The following PCDHA12 variants were observed in gnomAD, a reference collection of about 807,000 sequenced individuals.
PCDHA12 encodes the protein protocadherin alpha 12.
Under a neutral mutation model 60.0 loss-of-function variants are expected in PCDHA12, and 44 were observed. The observed-to-expected ratio is 0.73, with a 90% confidence interval of 0.58 to 0.94. The LOEUF is 0.94. Among genes scored for constraint, PCDHA12 ranks in the 40% least tolerant of loss-of-function variants. The pLI, the probability that PCDHA12 is intolerant of heterozygous loss-of-function variation, is 0.00. For synonymous variants in PCDHA12, 569 were observed against 553.0 expected (o/e 1.03, Z -0.40); for missense variants, 1,276 against 1,239.7 (o/e 1.03, Z -0.44).
At chr5:140,931,951 G>A (rs1366094994) in intron 1 of PCDHA12, among the ~76,000 whole-genome samples, 1 of 151,826 alleles carries the variant, frequency 6.6e-6, no homozygotes, top group Non-Finnish European at 1.5e-5. Flanking sequence ...GAGTCTTACA[G>A]AATCATGTTG....
At chr5:140,910,679 A>G (rs1554194364) in intron 1 of PCDHA12, among the ~76,000 whole-genome samples, 1 of 152,208 alleles carries the variant, frequency 6.6e-6, no homozygotes, top group East Asian at 1.9e-4. Context: ...AAGGGAGATC[A>G]GGCATTTCCA....
intron 3 of PCDHA12, among the ~76,000 whole-genome samples, chr5:141,000,691 G>A (rs1177204689): frequency 3.3e-5 from 5 of 151,460 alleles, no homozygotes; most frequent in African/African-American, 1.2e-4. Flanking sequence ...GCCTCCCAAA[G>A]TGCTGGGATT....
chr5:140,877,683 C>T lies in PCDHA12; in HGVS notation c.2211C>T (p.Pro737=). 6.2e-7 allele frequency: 1 copy of T among 1,613,716 alleles called. No homozygotes were observed. The change falls in exon 1 of 4, where the codon CCC becomes CCT. Residue 737 remains proline (P), a synonymous_variant. Coordinates refer to ENST00000398631, the MANE Select transcript of PCDHA12 (RefSeq NM_018903.4). ...PTVSRCAPGK[P]TLVCSSAVGS... is the part of the protein sequence containing the mutation. ...TGAGCCGGTGCGCGCCGGGCAAGCC[C>T]ACGCTGGTGTGCTCCAGCGCCGTGG...
At chr5:141,006,169 A>G (rs553035949) in intron 3 of PCDHA12, among the ~76,000 whole-genome samples, 4 of 149,840 alleles carry the variant, frequency 2.7e-5, no homozygotes, top group Non-Finnish European at 5.9e-5. Flanking sequence ...TCTGATTTAT[A>G]TTTTTAAAAG....
intron 1 of PCDHA12, among the ~76,000 whole-genome samples, chr5:140,886,080 C>A (rs910230815): frequency 3.7e-4 from 56 of 152,268 alleles, no homozygotes; most frequent in African/African-American, 1.2e-3. Flanking sequence ...CATACCACAA[C>A]CTGGATATTG....
intron 3 of PCDHA12, among the ~76,000 whole-genome samples, chr5:140,996,730 A>G (rs1271920339): frequency 2.6e-5 from 4 of 152,228 alleles, no homozygotes; most frequent in African/African-American, 9.6e-5. Context: ...AGAAGAAACA[A>G]AAGTCATAAC....
At chr5:140,941,743 C>G (rs2093156279) in intron 1 of PCDHA12, among the ~76,000 whole-genome samples, 1 of 152,172 alleles carries the variant, frequency 6.6e-6, no homozygotes, top group Admixed American at 6.5e-5. Context: ...ATTATCTTAT[C>G]AGATTTTCAG....
At chr5:140,984,371 C>T (rs2097099528) in intron 3 of PCDHA12, among the ~76,000 whole-genome samples, 1 of 152,150 alleles carries the variant, frequency 6.6e-6, no homozygotes, top group African/African-American at 2.4e-5. Flanking sequence ...TGGCCAAGTC[C>T]CTCTTTCAGA....
chr5:140,977,012 TTC>T (rs2096742095), intron 1 of PCDHA12, among the ~76,000 whole-genome samples: 1 of 152,220 alleles, frequency 6.6e-6, no homozygotes, highest in African/African-American at 2.4e-5. Context: ...GTAACTGTGA[TTC>T]TGTCAAATGA....
intron 3 of PCDHA12, among the ~76,000 whole-genome samples, chr5:141,006,559 T>C (rs2098278096): frequency 6.6e-6 from 1 of 152,134 alleles, no homozygotes; most frequent in East Asian, 1.9e-4. Flanking sequence ...TAAAGATGAC[T>C]CTGGCTACTG....
At chr5:141,007,161 G>C (rs2098308747) in intron 3 of PCDHA12, among the ~76,000 whole-genome samples, 1 of 152,146 alleles carries the variant, frequency 6.6e-6, no homozygotes, top group Non-Finnish European at 1.5e-5. Context: ...TCAAAGAACA[G>C]TCAGAGAGAA....
chr5:140,953,522 G>A (rs246031), intron 1 of PCDHA12, among the ~76,000 whole-genome samples: 85,599 of 151,862 alleles, frequency 0.56, 24,738 homozygotes, highest in African/African-American at 0.69. Flanking sequence ...CAACAAAAAC[G>A]GGAAACTCAC....
rs782577579 is a variant in PCDHA12, at chr5:140,978,981, T to G, written c.2400T>G (p.Ser800=). The G allele has an allele frequency of 1.4e-5, 22 of 1,614,096 alleles. No individual in the cohort carries two copies. Among genetic ancestry groups the G allele is most frequent in the Non-Finnish European group, 1.8e-5 (21 of 1,180,040 alleles). The change falls in exon 2 of 4, where the codon TCT becomes TCG. Residue 800 remains serine (S), a synonymous_variant. Transcript: ENST00000398631. ...PRQPNPDWRY[S]ASLRAGMHSS... ...AGCCCAACCCTGACTGGCGTTACTC[T>G]GCCTCCCTGAGAGCAGGCATGCACA... is the stretch of plus-strand genomic sequence containing the variant.
intron 1 of PCDHA12, among the ~76,000 whole-genome samples, chr5:140,917,286 C>T (rs155803): frequency 0.32 from 46,630 of 146,510 alleles, 7,654 homozygotes; most frequent in East Asian, 0.52. Context: ...GACGCTTTTC[C>T]GTGTGCAGAT....
At chr5:140,927,166 G>A in intron 1 of PCDHA12, 1 of 1,614,188 alleles carries the variant, frequency 6.2e-7, no homozygotes. Context: ...GGCCAAAGCT[G>A]CCTGCGTCTT....
chr5:140,897,281 C>T lies in PCDHA12; in HGVS notation c.2367+19442C>T, dbSNP rs1583262674. On this transcript the variant is annotated intron_variant, in intron 1 of 3. Coordinates refer to ENST00000398631, the MANE Select transcript of PCDHA12 (RefSeq NM_018903.4). ...ATGTGCCATGCTGGTGTGCTGCACC[C>T]ATTAACTCGTCATTTAGCATTAGGT... Among the ~76,000 whole-genome samples, 6 of 151,664 alleles carry T rather than the reference C, an allele frequency of 4.0e-5. No homozygotes were observed. In the South Asian group the frequency reaches 1.2e-3, roughly 32 times the overall value.
chr5:140,942,733 T>C (rs1344147840), intron 1 of PCDHA12, among the ~76,000 whole-genome samples: 1 of 152,184 alleles, frequency 6.6e-6, no homozygotes, highest in Non-Finnish European at 1.5e-5. Context: ...TTGAAAAATA[T>C]TTTAAAATCT....
At chr5:140,989,546 CT>C (rs1343132361) in intron 3 of PCDHA12, among the ~76,000 whole-genome samples, 1 of 152,140 alleles carries the variant, frequency 6.6e-6, no homozygotes, top group African/African-American at 2.4e-5. Context: ...TTTGTAATTC[CT>C]TTACGTTTTG....
chr5:140,936,714 C>G (rs2091106727), intron 1 of PCDHA12, among the ~76,000 whole-genome samples: 1 of 152,198 alleles, frequency 6.6e-6, no homozygotes, highest in African/African-American at 2.4e-5. Context: ...TGTGCCAATA[C>G]ATTCTGTGTT....
Sources: gnomAD v4.1 joint callset for allele counts (sites outside exome capture counted in the v4.1 genomes callset) on GRCh38, gnomAD v4.1.1 for gene constraint, MANE v1.5 for transcripts, NCBI Gene and HGNC (gene_info 2026-07-23, HGNC 2026-07-21) for gene names.